The following WNT5A variants were observed in gnomAD, a reference collection of about 807,000 sequenced individuals.
WNT5A encodes the protein protein Wnt-5a.
WNT5A carries 9 observed loss-of-function variants against 42.1 expected under a neutral mutation model. That is an observed-to-expected ratio of 0.21 (90% CI 0.13 to 0.37). WNT5A has a LOEUF of 0.37. WNT5A is among the 10% of genes least tolerant of loss of function. The pLI, the probability that WNT5A is intolerant of heterozygous loss-of-function variation, is 1.00. For missense variants in WNT5A, 426 were observed against 534.0 expected (o/e 0.80, Z 1.99); for synonymous variants, 210 against 210.0 (o/e 1.00, Z 0.00).
chr3:55,472,500 C>A (rs1471542817), intron 4 of WNT5A, among the ~76,000 whole-genome samples: 1 of 152,126 alleles, frequency 6.6e-6, no homozygotes, highest in Non-Finnish European at 1.5e-5. Context: ...AGGGTGATAG[C>A]AAGGTTTTAT....
intron 3 of WNT5A, among the ~76,000 whole-genome samples, chr3:55,474,935 G>C (rs1274506454): frequency 8.7e-4 from 126 of 145,268 alleles, no homozygotes; most frequent in Non-Finnish European, 1.7e-3. Context: ...TAGGAGATGG[G>C]GGGGTAGGGG....
At position 55,466,575 on chromosome 3, in the gene WNT5A, A is replaced by T. The variant is rs1203036555; in HGVS notation, c.*3517T>A. The T allele has an allele frequency of 6.6e-6, 1 of 152,456 alleles. No homozygotes were observed. Among genetic ancestry groups the T allele is most frequent in the Non-Finnish European group, 1.5e-5 (1 of 68,024 alleles). The allele number at this position is 152,456 out of a possible 1,614,324, so 9.4% of individuals were successfully genotyped here. ...AACTCAACAGATAAACTGGATTAAAACTTAAAAGTCTTCTTTCTATTTGAG... is the reference window on the plus strand; with the variant it reads ...AACTCAACAGATAAACTGGATTAAATCTTAAAAGTCTTCTTTCTATTTGAG... On this transcript the variant is annotated 3_prime_UTR_variant, in exon 5 of 5. Coordinates refer to ENST00000264634, the MANE Select transcript of WNT5A (RefSeq NM_003392.7).
the WNT5A span, among the ~76,000 whole-genome samples, chr3:55,502,633 T>C: frequency 1.3e-5 from 2 of 152,236 alleles, no homozygotes; most frequent in Non-Finnish European, 2.9e-5. Context: ...GATATTTTCA[T>C]AGAACCCATT....
chr3:55,491,366 A>G (rs2051657195), upstream of WNT5A, among the ~76,000 whole-genome samples: 1 of 152,144 alleles, frequency 6.6e-6, no homozygotes, highest in Admixed American at 6.5e-5. Context: ...TCCCCTTGCA[A>G]ACCGTGTGTG....
intron 1 of WNT5A, among the ~76,000 whole-genome samples, chr3:55,481,597 G>A (rs1360401699): frequency 6.6e-6 from 1 of 152,204 alleles, no homozygotes; most frequent in African/African-American, 2.4e-5. Context: ...TGTGGGGAAA[G>A]CCACTTCCAG....
At chr3:55,501,471 T>C in the WNT5A span, 1 of 152,262 alleles carries the variant, frequency 6.6e-6, no homozygotes, top group African/African-American at 2.4e-5. Context: ...TGTGTTCTTT[T>C]CTTTAGAGAA....
rs534852612 is a variant in WNT5A, at chr3:55,480,901, T to C, written c.24A>G (p.Leu8=). The change falls in exon 2 of 5, where the codon TTA becomes TTG. Residue 8 remains leucine (L), a synonymous_variant. Coordinates refer to ENST00000264634, the MANE Select transcript of WNT5A (RefSeq NM_003392.7). ...CCATCCCCAAAGCAACTCCTGGGCT[T>C]AATATTCCAATGGACTTCTGGAGAG... MKKSIGI[L]SPGVALGMAG... 47 of 1,567,816 alleles carry C rather than the reference T, an allele frequency of 3.0e-5. 1 individual carries two copies. The South Asian group carries it at 5.6e-4, about 19-fold the overall frequency.
Position 55,479,391 on chromosome 3 carries a change from T to C in WNT5A, c.314A>G (p.Gln105Arg), listed in dbSNP as rs751543743. 6.2e-7 allele frequency: 1 copy of C among 1,613,984 alleles called. No homozygotes were observed. The highest frequency in any genetic ancestry group is 1.7e-5 in the Admixed American group (1 of 60,030). Residue 105 changes from glutamine to arginine, a missense_variant, in exon 3 of 5, where the codon CAG becomes CGG. Physicochemically the swap from Gln to Arg is conservative, Grantham distance 43. Around this residue, in one of 3 missense-constraint regions of WNT5A, gnomAD observed 358 missense variants for 468.1 expected, o/e 0.76. Transcript: ENST00000264634. ...CCACCTTCGATGTCGGAATTGATAC[T>C]GGCATTCTTTGATGCCTGTCTTCGC... Reference protein sequence around the residue: ...EGAKTGIKECQYQFRHRRWNC... With the variant: ...EGAKTGIKECRYQFRHRRWNC...
intron 1 of WNT5A, chr3:55,481,305 C>T (rs1293825442): frequency 8.1e-6 from 8 of 990,328 alleles, no homozygotes; most frequent in African/African-American, 1.7e-5. Context: ...GAACCCGCTG[C>T]GGCCACCCTC....
rs763663982 is a variant in WNT5A at position 55,470,025 on chromosome 3, C to A, written c.*67G>T. Reference sequence around the variant, plus strand: ...AAAAATATTTCTAAAAACCAAAAACCAGAATCACTGTACTTTCTATAAATA... The same window carrying A: ...AAAAATATTTCTAAAAACCAAAAACAAGAATCACTGTACTTTCTATAAATA... On this transcript the variant is annotated 3_prime_UTR_variant, in exon 5 of 5. Coordinates refer to ENST00000264634, the MANE Select transcript of WNT5A (RefSeq NM_003392.7). 3 of 1,594,074 alleles carry A rather than the reference C, an allele frequency of 1.9e-6. No homozygotes were observed. The highest frequency in any genetic ancestry group is 1.1e-5 in the South Asian group (1 of 88,270).
At chr3:55,478,126 T>G (rs1163086531) in intron 3 of WNT5A, among the ~76,000 whole-genome samples, 1 of 152,146 alleles carries the variant, frequency 6.6e-6, no homozygotes, top group Non-Finnish European at 1.5e-5. Context: ...TTAGCACATT[T>G]TAATCATTAA....
chr3:55,473,354 T>C (rs891781463), intron 4 of WNT5A, among the ~76,000 whole-genome samples: 1 of 152,192 alleles, frequency 6.6e-6, no homozygotes, highest in Admixed American at 6.5e-5. Context: ...GGCACCTACC[T>C]TGGGTTCTGT....
At chr3:55,501,164 C>A in the WNT5A span, among the ~76,000 whole-genome samples, 1 of 152,186 alleles carries the variant, frequency 6.6e-6, no homozygotes, top group Non-Finnish European at 1.5e-5. Context: ...AAATTCCAAT[C>A]AAATGCAGAA....
In WNT5A at chr3:55,487,218, G is replaced by A. The variant is rs1200313826; in HGVS notation, c.-233C>T. On this transcript the variant is annotated 5_prime_UTR_variant, in exon 1 of 5. Transcript: ENST00000264634. ...ATGCGCCCAGGAATGGAGGGGGCGC[G>A]GACGCGCGCGAGCCGGCAGCAAGGG... The A allele has an allele frequency of 4.0e-6, 2 of 500,006 alleles. No homozygotes were observed. Among genetic ancestry groups the A allele is most frequent in the African/African-American group, 2.1e-5 (1 of 48,634 alleles). 31.0% of individuals were successfully genotyped at this position (500,006 alleles called of 1,614,324 possible). A position where few individuals can be genotyped will look rare whatever the true frequency, so the allele number is the denominator to read the frequency against.
chr3:55,498,809 C>T, the WNT5A span, among the ~76,000 whole-genome samples: 1 of 152,090 alleles, frequency 6.6e-6, no homozygotes, highest in Non-Finnish European at 1.5e-5. Flanking sequence ...GGGGAGCCAA[C>T]TTTCCTTTGA....
At chr3:55,477,088 C>A (rs1370577418) in intron 3 of WNT5A, among the ~76,000 whole-genome samples, 1 of 152,140 alleles carries the variant, frequency 6.6e-6, no homozygotes, top group Non-Finnish European at 1.5e-5. Context: ...GGGTCAAATT[C>A]TCACAAAGAA....
chr3:55,489,568 C>T (rs552167415), upstream of WNT5A, among the ~76,000 whole-genome samples: 1 of 152,024 alleles, frequency 6.6e-6, no homozygotes, highest in Admixed American at 6.5e-5. Flanking sequence ...CTTCCTGGCG[C>T]GCAAAGATGG....
chr3:55,499,322 G>C, the WNT5A span, among the ~76,000 whole-genome samples: 112 of 152,292 alleles, frequency 7.4e-4, no homozygotes, highest in African/African-American at 2.6e-3. Context: ...AGTAAAGCAA[G>C]CGGCTTGGGA....
chr3:55,482,579 C>A (rs1194775100), intron 1 of WNT5A, among the ~76,000 whole-genome samples: 1 of 152,154 alleles, frequency 6.6e-6, no homozygotes, highest in African/African-American at 2.4e-5. Context: ...GTGAGCCGCC[C>A]CTTTGGCCTG....
Sources: gnomAD v4.1 joint callset for allele counts (sites outside exome capture counted in the v4.1 genomes callset) on GRCh38, gnomAD v4.1.1 for gene constraint, gnomAD v4.1.1 regional missense constraint, MANE v1.5 for transcripts, NCBI Gene and HGNC (gene_info 2026-07-23, HGNC 2026-07-21) for gene names.